Variants in ESYT3 observed in about 807,000 individuals in gnomAD.
ESYT3 encodes extended synaptotagmin-3.
In ESYT3, 101 loss-of-function variants were observed where a neutral mutation model predicts 111.5. The observed-to-expected ratio is 0.91, with a 90% CI of 0.77 to 1.07. The LOEUF (loss-of-function observed/expected upper bound fraction) is 1.07. Among genes scored for constraint, ESYT3 ranks in the 50% least tolerant of loss-of-function variants. The probability of loss-of-function intolerance (pLI) is 0.00; values close to 1 mark genes in which losing one functional copy is unlikely to be tolerated. For synonymous variants in ESYT3, 416 were observed against 446.8 expected (o/e 0.93, Z 0.87); for missense variants, 1,097 against 1,109.4 (o/e 0.99, Z 0.16).
chr3:138,468,930 C>T, intron 14 of ESYT3, 49 bp downstream of exon 14: 1 of 1,587,588 alleles, frequency 6.3e-7, no homozygotes, highest in Non-Finnish European at 8.7e-7. Flanking sequence ...ATCACAGCTT[C>T]TCTCCCCAGA....
intron 18 of ESYT3, chr3:138,473,172 T>C: frequency 7.9e-7 from 1 of 1,266,422 alleles, no homozygotes; most frequent in Non-Finnish European, 1.0e-6. Flanking sequence ...ATGTAATAAA[T>C]GGCTGTCATT....
intron 9 of ESYT3, 149 bp from the exon 10 acceptor site, chr3:138,465,190 G>T (rs759601679): frequency 1.0e-5 from 6 of 598,808 alleles, no homozygotes; most frequent in Non-Finnish European, 1.5e-5. Flanking sequence ...CGAAGGGGAG[G>T]GGCTTCACTC....
Position 138,455,328 on chromosome 3 carries a change from G to A in ESYT3, c.504G>A (p.Lys168=). 1.2e-6 allele frequency: 2 copies of A among 1,614,124 alleles called. No homozygotes were observed. The highest frequency in any genetic ancestry group is 2.2e-5 in the South Asian group (2 of 91,056). Residue 168 remains lysine, a splice_region_variant and synonymous_variant, in exon 3 of 23, where the codon AAG becomes AAA. Coordinates refer to ENST00000389567, the MANE Select transcript of ESYT3 (RefSeq NM_031913.5). ...FTFTKLYFGQ[K]CPRVNGVKAH... is the part of the protein sequence containing the mutation. ...TTACCAAGCTCTACTTTGGACAGAA[G>A]GTGGGTGTGTCTCGGGAGGGTCAGC...
chr3:138,464,631 C>A, intron 9 of ESYT3, 116 bp downstream of exon 9: 1 of 1,141,972 alleles, frequency 8.8e-7, no homozygotes, highest in Non-Finnish European at 1.3e-6. Context: ...CTGTGGAATT[C>A]CTGCTCCTGT....
Position 138,473,579 on chromosome 3 carries a change from A to C in ESYT3, c.2281A>C (p.Thr761Pro), listed in dbSNP as rs1383294652. 3 of 1,613,858 alleles carry C rather than the reference A, an allele frequency of 1.9e-6. No individual in the cohort carries two copies. The highest frequency in any genetic ancestry group is 2.5e-6 in the Non-Finnish European group (3 of 1,179,892). ...ACGGCAGCTGGGTGAGATTCAGCTCACAGTGCGCTATGTGTGTCTGCGGCG... is the reference window on the plus strand; with the variant it reads ...ACGGCAGCTGGGTGAGATTCAGCTCCCAGTGCGCTATGTGTGTCTGCGGCG... ...RRRQLGEIQL[T>P]VRYVCLRRCL... The change falls in exon 19 of 23, where the codon ACA becomes CCA. Residue 761 changes from threonine to proline, a missense_variant. Physicochemically the swap from Thr to Pro is conservative, Grantham distance 38 (BLOSUM62 -1). Coordinates refer to ENST00000389567, the MANE Select transcript of ESYT3 (RefSeq NM_031913.5).
In ESYT3 at chr3:138,477,567, A is replaced by C. The variant is rs536002814; in HGVS notation, c.*713A>C. ...AGCATTATTTCCATAGGAAAATGCA[A>C]ACCAAGTTCCAAGCCCAGGTCTATG... On this transcript the variant is annotated 3_prime_UTR_variant, in exon 23 of 23. Transcript: ENST00000389567. 2.0e-4 allele frequency: 31 copies of C among 152,358 alleles called. 1 individual carries two copies. Among genetic ancestry groups the C allele is most frequent in the African/African-American group, 7.5e-4 (31 of 41,570 alleles). The allele number at this position is 152,358 out of a possible 1,614,324, so 9.4% of individuals were successfully genotyped here.
chr3:138,457,730 T>G, intron 4 of ESYT3, 86 bp downstream of exon 4: 1 of 1,253,396 alleles, frequency 8.0e-7, no homozygotes, highest in Non-Finnish European at 1.2e-6. Flanking sequence ...AGTATATATA[T>G]ACTCTGACTT....
At chr3:138,439,221 C>A (rs573458073) in intron 1 of ESYT3, among the ~76,000 whole-genome samples, 9 of 152,346 alleles carry the variant, frequency 5.9e-5, no homozygotes, top group African/African-American at 1.9e-4. Flanking sequence ...TCCTCTGTTT[C>A]CCGGGCTTCC....
At chr3:138,480,625 A>T (rs2033671644), downstream of ESYT3, 1 of 152,228 alleles carries the variant, frequency 6.6e-6, no homozygotes, top group South Asian at 2.1e-4. Context: ...AACAACCCCT[A>T]TAAGAAAACT....
rs377098519 is a variant in ESYT3, at chr3:138,438,402, C to T, written c.327+3277C>T. 1.1e-4 allele frequency among the ~76,000 whole-genome samples: 16 copies of T among 152,238 alleles called. No homozygotes were observed. In the South Asian group the frequency reaches 1.5e-3, roughly 14 times the overall value. Reference sequence around the variant, plus strand: ...CCAGTGGGGAGGGATGGATATCCGGCCACCTGCTGCTTGTCAAGCTGTATG... The same window carrying T: ...CCAGTGGGGAGGGATGGATATCCGGTCACCTGCTGCTTGTCAAGCTGTATG... On this transcript the variant is annotated intron_variant, in intron 1 of 22. Coordinates refer to ENST00000389567, the MANE Select transcript of ESYT3 (RefSeq NM_031913.5).
Position 138,465,389 on chromosome 3 carries a change from TGAG to T in ESYT3, c.1140_1142del (p.Glu380del). On this transcript the variant is annotated inframe_deletion, in exon 10 of 23. Coordinates refer to ENST00000389567, the MANE Select transcript of ESYT3 (RefSeq NM_031913.5). ...AGGACCTGGAGGTAGACCTGTATGA[TGAG>T]GATACCGACAGGGATGACTTCCTGG... 6.3e-7 allele frequency: 1 copy of T among 1,596,388 alleles called. No homozygotes were observed.
At chr3:138,475,961 A>T (rs2033461385) in intron 20 of ESYT3, among the ~76,000 whole-genome samples, 2 of 152,172 alleles carry the variant, frequency 1.3e-5, no homozygotes, top group Admixed American at 1.3e-4. Flanking sequence ...GAATTGGAGA[A>T]AGATAGATGC....
chr3:138,442,883 C>G (rs913495223), intron 1 of ESYT3, among the ~76,000 whole-genome samples: 1 of 152,180 alleles, frequency 6.6e-6, no homozygotes, highest in Non-Finnish European at 1.5e-5. Context: ...TTTGCCCATT[C>G]ACTGTGGTCT....
rs2031037907 is a variant in ESYT3 at position 138,440,157 on chromosome 3, C to T, written c.327+5032C>T. Among the ~76,000 whole-genome samples, 1 of 152,234 alleles carries T rather than the reference C, an allele frequency of 6.6e-6. No individual in the cohort carries two copies. The highest frequency in any genetic ancestry group is 1.9e-4 in the East Asian group (1 of 5,202). ...CCACAGGACCCCACTCGCTGCCTTT[C>T]ATGCCTGTCCCCATCTAACTGGGTG... is the stretch of plus-strand genomic sequence containing the variant. On this transcript the variant is annotated intron_variant, in intron 1 of 22. Coordinates refer to ENST00000389567, the MANE Select transcript of ESYT3 (RefSeq NM_031913.5). The surrounding 1 kb of genome is among the most constrained non-coding windows in gnomAD (Gnocchi z 4.2).
At position 138,474,302 on chromosome 3, in the gene ESYT3, TAAG is replaced by T. The variant is rs780713168; in HGVS notation, c.2423_2425del (p.Lys808del). On this transcript the variant is annotated inframe_deletion, in exon 20 of 23. Coordinates refer to ENST00000389567, the MANE Select transcript of ESYT3 (RefSeq NM_031913.5). ...TGCCAGAAAGGAAGTGGGCATGTCG[TAAG>T]AAGACTTCAGTGAAGCGGAAGACCT... 2 of 1,606,726 alleles carry T rather than the reference TAAG, an allele frequency of 1.2e-6. No individual in the cohort carries two copies. The highest frequency in any genetic ancestry group is 1.7e-5 in the Admixed American group (1 of 58,042).
chr3:138,476,077 C>T (rs1357868042), intron 20 of ESYT3, 146 bp from the exon 21 acceptor site: 23 of 618,230 alleles, frequency 3.7e-5, no homozygotes, highest in East Asian at 3.0e-4. Context: ...AATGATACAT[C>T]GTGAGTAGTT....
At chr3:138,476,563 T>A in intron 22 of ESYT3, 71 bp downstream of exon 22, 1 of 1,479,880 alleles carries the variant, frequency 6.8e-7, no homozygotes, top group Non-Finnish European at 9.4e-7. Flanking sequence ...CAGTACTGTT[T>A]CAGCTCCTTT....
intron 3 of ESYT3, 68 bp from the exon 4 acceptor site, chr3:138,457,500 G>A (rs1330858316): frequency 7.0e-7 from 1 of 1,418,794 alleles, no homozygotes; most frequent in Non-Finnish European, 1.0e-6. Context: ...CCAGTGCCGG[G>A]GGGAGAGCTG....
intron 10 of ESYT3, among the ~76,000 whole-genome samples, 156 bp downstream of exon 10, chr3:138,465,577 A>T (rs916148899): frequency 1.3e-5 from 2 of 152,132 alleles, no homozygotes; most frequent in Non-Finnish European, 2.9e-5. Context: ...ACCATTCTAC[A>T]TTCCTACCAC....
Sources: allele counts gnomAD v4.1 joint callset (sites outside exome capture counted in the v4.1 genomes callset), GRCh38; gene constraint gnomAD v4.1.1; non-coding constraint Gnocchi (gnomAD v3.1); transcripts MANE v1.5; gene names NCBI Gene and HGNC (gene_info 2026-07-23, HGNC 2026-07-21).